The following RP2 variants were observed in gnomAD, a reference collection of about 807,000 sequenced individuals.
The protein encoded by RP2 is RP2 activator of ARL3 GTPase.
RP2 carries 3 observed loss-of-function variants against 20.3 expected under a neutral mutation model. That is an observed-to-expected ratio of 0.15 (90% CI 0.07 to 0.38). The LOEUF (loss-of-function observed/expected upper bound fraction) is 0.38, where lower values mean the gene tolerates loss of function less well. RP2 is among the 10% of genes least tolerant of loss of function. The probability of loss-of-function intolerance (pLI) is 1.00; values close to 1 mark genes in which losing one functional copy is unlikely to be tolerated. For missense variants in RP2, 233 were observed against 268.5 expected (o/e 0.87, Z 0.92); for synonymous variants, 75 against 94.8 (o/e 0.79, Z 1.22).
intron 1 of RP2, among the ~76,000 whole-genome samples, chrX:46,851,903 A>G (rs1384184974): frequency 9.0e-6 from 1 of 110,828 alleles, no homozygotes; most frequent in African/African-American, 3.3e-5. Flanking sequence ...CATCTCTACT[A>G]AAAAATACAA....
At chrX:46,869,413 C>T (rs1401699437) in intron 3 of RP2, among the ~76,000 whole-genome samples, 3 of 106,280 alleles carry the variant, frequency 2.8e-5, no homozygotes, top group Non-Finnish European at 5.8e-5. Flanking sequence ...GATTCTCCTG[C>T]CTCAGCCTCT....
chrX:46,879,372 C>G (rs1444431565), intron 4 of RP2, among the ~76,000 whole-genome samples: 4 of 111,504 alleles, frequency 3.6e-5, no homozygotes, highest in East Asian at 5.6e-4. Flanking sequence ...TTTTAAGTGA[C>G]TCTTATTCAG....
At chrX:46,866,749 C>T (rs1556322685) in intron 3 of RP2, among the ~76,000 whole-genome samples, 1 of 112,039 alleles carries the variant, frequency 8.9e-6, no homozygotes, top group Admixed American at 9.5e-5. Flanking sequence ...TTACAAGCTT[C>T]ATTCCATCCT....
intron 2 of RP2, among the ~76,000 whole-genome samples, chrX:46,857,016 T>C (rs1924973392): frequency 1.8e-5 from 2 of 112,109 alleles, no homozygotes; most frequent in South Asian, 7.2e-4. Context: ...GTCTTTCTCA[T>C]GTCATAACAC....
Position 46,860,028 on chromosome X carries a change from T to C in RP2, c.809T>C (p.Val270Ala). ...KGFFLVQTKE[V>A]SMKAEDAQRV... ...TTTTTCCTAGTTCAGACAAAGGAAG[T>C]GTCCATGAAAGCTGAGGATGCTCAA... is the stretch of plus-strand genomic sequence containing the variant. Residue 270 changes from valine to alanine, a missense_variant, in exon 3 of 5, where the codon GTG (valine) becomes GCG (alanine). Physicochemically the swap from Val to Ala is moderately conservative, Grantham distance 64. Transcript: ENST00000218340. 1 of 1,211,075 alleles carries C rather than the reference T, an allele frequency of 8.3e-7. No homozygotes were observed. The highest frequency in any genetic ancestry group is 1.1e-6 in the Non-Finnish European group (1 of 894,795).
chrX:46,874,471 G>T (rs1327404095), intron 3 of RP2, among the ~76,000 whole-genome samples: 1 of 109,790 alleles, frequency 9.1e-6, no homozygotes, highest in Non-Finnish European at 1.9e-5. Context: ...AACTCATTTT[G>T]CAAATTTCCA....
intron 1 of RP2, 46 bp from the exon 2 acceptor site, chrX:46,853,430 T>G (rs1556318508): frequency 1.8e-6 from 2 of 1,136,951 alleles, no homozygotes; most frequent in Non-Finnish European, 2.4e-6. Context: ...TTGATACTTG[T>G]TGAATAATGT....
chrX:46,876,676 C>A (rs1258222004), intron 3 of RP2, among the ~76,000 whole-genome samples: 1 of 110,991 alleles, frequency 9.0e-6, no homozygotes, highest in East Asian at 2.8e-4. Context: ...TGTAGTGTAA[C>A]CTTTTCTTTC....
Position 46,847,144 on chromosome X carries a change from G to A in RP2, c.103-6332G>A, listed in dbSNP as rs957226008. ...TACCTAAATGTTGAGCATTTTTCAT[G>A]TACTTATTTGCCATCCATATATCTT... On this transcript the variant is annotated intron_variant, in intron 1 of 4. Coordinates refer to ENST00000218340, the MANE Select transcript of RP2 (RefSeq NM_006915.3). 5.8e-4 allele frequency among the ~76,000 whole-genome samples: 65 copies of A among 112,012 alleles called. 2 individuals carry two copies. The highest frequency in any genetic ancestry group is 1.3e-4 in the Non-Finnish European group (7 of 53,201).
chrX:46,837,570 A>G (rs1366085952), intron 1 of RP2, among the ~76,000 whole-genome samples: 1 of 111,295 alleles, frequency 9.0e-6, no homozygotes, highest in African/African-American at 3.3e-5. Context: ...CGTTTCACCC[A>G]CCGGCAGCGT....
chrX:46,852,985 A>G (rs186280853), intron 1 of RP2, among the ~76,000 whole-genome samples: 10 of 112,447 alleles, frequency 8.9e-5, no homozygotes, highest in Non-Finnish European at 1.3e-4. Flanking sequence ...CATTAGATAC[A>G]TAGGATATGA....
rs782385194 is a variant in RP2 at position 46,879,711 on chromosome X, C to T, written c.995C>T (p.Thr332Met). Residue 332 changes from threonine to methionine, a missense_variant, in exon 5 of 5, where the codon ACG becomes ATG. Thr to Met is a moderately conservative substitution (Grantham distance 81). Coordinates refer to ENST00000218340, the MANE Select transcript of RP2 (RefSeq NM_006915.3). The part of the protein sequence containing the change: ...TKMFVSESKE[T>M]ASGDVDSFYN... Reference sequence around the variant, plus strand: ...ATGTTTGTATCTGAAAGCAAGGAGACGGCATCTGGAGATGTAGACAGCTTC... The same window carrying T: ...ATGTTTGTATCTGAAAGCAAGGAGATGGCATCTGGAGATGTAGACAGCTTC... 95 of 1,193,925 alleles carry T rather than the reference C, an allele frequency of 8.0e-5. No homozygotes were observed. Among genetic ancestry groups the T allele is most frequent in the Non-Finnish European group, 1.0e-4 (89 of 883,450 alleles).
chrX:46,866,564 C>T (rs1249456575), intron 3 of RP2, among the ~76,000 whole-genome samples: 1 of 111,491 alleles, frequency 9.0e-6, no homozygotes, highest in African/African-American at 3.3e-5. Flanking sequence ...CTAACCCATA[C>T]CCCTGTGAGA....
At chrX:46,868,094 T>G (rs149208235) in intron 3 of RP2, among the ~76,000 whole-genome samples, 182 of 112,119 alleles carry the variant, frequency 1.6e-3, no homozygotes, top group African/African-American at 5.8e-3. Context: ...GGTTTTTGAG[T>G]GTACATAACT....
chrX:46,855,713 C>T (rs782696679), intron 2 of RP2, among the ~76,000 whole-genome samples: 7 of 110,172 alleles, frequency 6.4e-5, no homozygotes, highest in Non-Finnish European at 1.3e-4. Flanking sequence ...GCAGTCCACC[C>T]GCCTCGGCCT....
intron 3 of RP2, among the ~76,000 whole-genome samples, chrX:46,864,823 T>C (rs1379743818): frequency 8.9e-6 from 1 of 112,047 alleles, no homozygotes; most frequent in Non-Finnish European, 1.9e-5. Flanking sequence ...ACTTGGGTTC[T>C]TTTGTTTTAG....
chrX:46,857,236 A>G (rs976203775), intron 2 of RP2, among the ~76,000 whole-genome samples: 17 of 111,670 alleles, frequency 1.5e-4, no homozygotes, highest in Non-Finnish European at 2.1e-4. Context: ...GGGAGCCAAG[A>G]GAAGTTACTA....
Position 46,882,334 on chromosome X carries a change from G to A in RP2, c.*2565G>A, listed in dbSNP as rs1925485758. ...ATCTAGTGTTTATAAAATGTGATTT[G>A]TAATAAATGTTGTTAAAATGAAAAT... On this transcript the variant is annotated 3_prime_UTR_variant, in exon 5 of 5. Coordinates refer to ENST00000218340, the MANE Select transcript of RP2 (RefSeq NM_006915.3). 8.9e-6 allele frequency: 1 copy of A among 111,844 alleles called. No homozygotes were observed. The highest frequency in any genetic ancestry group is 1.9e-5 in the Non-Finnish European group (1 of 53,177). 9.2% of individuals were successfully genotyped at this position (111,844 alleles called of 1,213,427 possible).
At chrX:46,878,243 G>A (rs1203750807) in intron 4 of RP2, among the ~76,000 whole-genome samples, 1 of 108,794 alleles carries the variant, frequency 9.2e-6, no homozygotes, top group African/African-American at 3.3e-5. Flanking sequence ...CGGGCGTAGT[G>A]GCGGGCGCCT....
Sources: gnomAD v4.1 joint callset for allele counts (sites outside exome capture counted in the v4.1 genomes callset) on GRCh38, gnomAD v4.1.1 for gene constraint, MANE v1.5 for transcripts, NCBI Gene and HGNC (gene_info 2026-07-23, HGNC 2026-07-21) for gene names.